The following SERPINE2 variants were observed in gnomAD, a reference collection of about 807,000 sequenced individuals.
The protein encoded by SERPINE2 is serpin family E member 2.
SERPINE2 carries 14 observed loss-of-function variants against 36.3 expected under a neutral mutation model. The ratio of observed to expected loss-of-function variants is 0.39; its 90% CI spans 0.25 to 0.60. SERPINE2 has a LOEUF of 0.60. SERPINE2 is among the 20% of genes least tolerant of loss of function. SERPINE2 has a pLI of 0.57. For missense variants in SERPINE2, 418 were observed against 499.6 expected (o/e 0.84, Z 1.56); for synonymous variants, 192 against 191.8 (o/e 1.00, Z -0.01).
At chr2:224,035,929 C>T (rs1419203289) in intron 1 of SERPINE2, among the ~76,000 whole-genome samples, 2 of 151,986 alleles carry the variant, frequency 1.3e-5, no homozygotes, top group East Asian at 1.9e-4. Flanking sequence ...GTGGGCAGTG[C>T]GGGAGCCTGG....
chr2:224,021,363 T>C (rs1017464893), intron 1 of SERPINE2, among the ~76,000 whole-genome samples: 27 of 152,138 alleles, frequency 1.8e-4, no homozygotes, highest in African/African-American at 5.8e-4. Context: ...TGTGCTCTCC[T>C]AGTCAACAAA....
chr2:224,027,669 G>A (rs934610541), intron 1 of SERPINE2, among the ~76,000 whole-genome samples: 9 of 152,134 alleles, frequency 5.9e-5, no homozygotes, highest in Non-Finnish European at 1.2e-4. Context: ...TACAGACAAT[G>A]CTCCCTGATT....
At chr2:224,003,522 T>C (rs1015345809) in intron 1 of SERPINE2, among the ~76,000 whole-genome samples, 2 of 152,196 alleles carry the variant, frequency 1.3e-5, no homozygotes, top group African/African-American at 2.4e-5. Flanking sequence ...GGTAGGACAA[T>C]TGGTAAATTC....
At chr2:224,018,488 G>A (rs1398706754) in intron 1 of SERPINE2, among the ~76,000 whole-genome samples, 3 of 151,554 alleles carry the variant, frequency 2.0e-5, no homozygotes, top group Non-Finnish European at 4.4e-5. Flanking sequence ...AAATAAATCT[G>A]AGCTCCACTG....
intron 1 of SERPINE2, among the ~76,000 whole-genome samples, chr2:224,013,233 G>C (rs1164166392): frequency 6.6e-6 from 1 of 152,192 alleles, no homozygotes. Flanking sequence ...GTTCCTGCCT[G>C]ATAAAACCCC....
At chr2:223,982,966 A>G (rs1690276866) in intron 5 of SERPINE2, among the ~76,000 whole-genome samples, 185 bp from the exon 6 acceptor site, 1 of 152,208 alleles carries the variant, frequency 6.6e-6, no homozygotes, top group Non-Finnish European at 1.5e-5. Context: ...TCTCTCAAAC[A>G]CTTAGCTGGC....
intron 1 of SERPINE2, among the ~76,000 whole-genome samples, chr2:224,008,542 T>C (rs932734922): frequency 5.3e-5 from 8 of 152,240 alleles, no homozygotes; most frequent in Admixed American, 2.0e-4. Flanking sequence ...TTTATTCTTA[T>C]TGGTGCTCAA....
intron 1 of SERPINE2, among the ~76,000 whole-genome samples, chr2:224,020,765 C>T (rs1222039372): frequency 6.6e-6 from 1 of 152,160 alleles, no homozygotes; most frequent in Non-Finnish European, 1.5e-5. Context: ...ATTGAAAATA[C>T]TGCACATATA....
intron 1 of SERPINE2, chr2:224,031,071 T>A: frequency 1.0e-6 from 1 of 984,636 alleles, no homozygotes; most frequent in Non-Finnish European, 1.2e-6. Flanking sequence ...AAAGGAGGAG[T>A]GTGCTTTGAC....
chr2:224,023,517 GAAGT>G (rs1692082808), intron 1 of SERPINE2, among the ~76,000 whole-genome samples: 1 of 152,234 alleles, frequency 6.6e-6, no homozygotes, highest in Admixed American at 6.5e-5. Flanking sequence ...ACCTGAGAAG[GAAGT>G]AAGGGAAAGG....
chr2:223,976,839 G>A (rs1348959225), intron 8 of SERPINE2, among the ~76,000 whole-genome samples: 1 of 152,200 alleles, frequency 6.6e-6, no homozygotes, highest in Non-Finnish European at 1.5e-5. Flanking sequence ...AAAGTGGTAT[G>A]GTTTGGCTCT....
intron 7 of SERPINE2, chr2:223,979,513 G>C (rs1009965909): frequency 6.6e-6 from 1 of 152,198 alleles, no homozygotes; most frequent in African/African-American, 2.4e-5. Context: ...CCAGCTGCAA[G>C]TGTAGCTAAG....
intron 5 of SERPINE2, 124 bp from the exon 6 acceptor site, chr2:223,982,905 T>C: frequency 4.7e-6 from 3 of 631,994 alleles, no homozygotes; most frequent in Non-Finnish European, 7.8e-6. Context: ...CTGAATTGCA[T>C]CTTAAATTTG....
chr2:224,029,987 A>G, intron 1 of SERPINE2: 1 of 892,408 alleles, frequency 1.1e-6, no homozygotes. Context: ...GTGAGCCAGC[A>G]TAGACATGTC....
intron 1 of SERPINE2, among the ~76,000 whole-genome samples, chr2:224,002,498 T>G (rs1691220384): frequency 6.6e-6 from 1 of 151,876 alleles, no homozygotes; most frequent in Non-Finnish European, 1.5e-5. Context: ...TTATTTTTAT[T>G]TATTTATTTA....
intron 3 of SERPINE2, among the ~76,000 whole-genome samples, chr2:223,992,664 G>A (rs2106151789): frequency 6.6e-6 from 1 of 152,334 alleles, no homozygotes; most frequent in Admixed American, 6.5e-5. Flanking sequence ...GACAACAGAA[G>A]AGAGGATTTT....
At chr2:224,020,683 T>G (rs1407625266) in intron 1 of SERPINE2, among the ~76,000 whole-genome samples, 1 of 152,206 alleles carries the variant, frequency 6.6e-6, no homozygotes, top group Non-Finnish European at 1.5e-5. Context: ...GATGAAATAG[T>G]CAATTGTGTT....
In SERPINE2 at chr2:223,998,753, A is replaced by T. The variant is rs1690994109; in HGVS notation, c.260-411T>A. Among the ~76,000 whole-genome samples the T allele has an allele frequency of 2.6e-5, 4 of 152,074 alleles. No homozygotes were observed. In the South Asian group the frequency reaches 8.3e-4, roughly 32 times the overall value. Reference sequence around the variant, plus strand: ...ACAGAACAGTATAAACAGGATAGCTATGAGTAGCAAGAAACTAAGTCTTCT... The same window carrying T: ...ACAGAACAGTATAAACAGGATAGCTTTGAGTAGCAAGAAACTAAGTCTTCT... On this transcript the variant is annotated intron_variant, in intron 2 of 8. Coordinates refer to ENST00000409304, the MANE Select transcript of SERPINE2 (RefSeq NM_001136528.2).
At chr2:224,017,713 T>A (rs376555102) in intron 1 of SERPINE2, among the ~76,000 whole-genome samples, 1 of 152,162 alleles carries the variant, frequency 6.6e-6, no homozygotes, top group South Asian at 2.1e-4. Flanking sequence ...GTAATAGTAG[T>A]TCTTACTTTA....
Sources: allele counts gnomAD v4.1 joint callset (sites outside exome capture counted in the v4.1 genomes callset), GRCh38; gene constraint gnomAD v4.1.1; transcripts MANE v1.5; gene names NCBI Gene and HGNC (gene_info 2026-07-23, HGNC 2026-07-21).